Variants in ANGPT1 observed in about 807,000 individuals in gnomAD.
ANGPT1 encodes the protein angiopoietin-1.
Under a neutral mutation model 62.2 loss-of-function variants are expected in ANGPT1, and 17 were observed. That is an observed-to-expected ratio of 0.27 (90% CI 0.19 to 0.41). The LOEUF is 0.41. Ranked by LOEUF, ANGPT1 falls within the 10% of genes least tolerant of loss-of-function variation. The pLI is 1.00. For missense variants in ANGPT1, 478 were observed against 594.9 expected (o/e 0.80, Z 2.04); for synonymous variants, 199 against 198.9 (o/e 1.00, Z 0.00).
At chr8:107,466,074 A>G (rs1812191030) in intron 1 of ANGPT1, among the ~76,000 whole-genome samples, 1 of 152,174 alleles carries the variant, frequency 6.6e-6, no homozygotes, top group East Asian at 1.9e-4. Flanking sequence ...TGTAATGTGG[A>G]TTGTGAGAGG....
At chr8:107,269,821 G>C (rs1429294256) in intron 7 of ANGPT1, among the ~76,000 whole-genome samples, 1 of 147,026 alleles carries the variant, frequency 6.8e-6, no homozygotes, top group East Asian at 2.1e-4. Flanking sequence ...TCCTAATAAA[G>C]AAAAAAAAAT....
intron 1 of ANGPT1, among the ~76,000 whole-genome samples, chr8:107,390,943 A>G (rs1816823004): frequency 6.6e-6 from 1 of 151,960 alleles, no homozygotes; most frequent in Non-Finnish European, 1.5e-5. Flanking sequence ...GAGGGACAGA[A>G]CTCCATTATT....
chr8:107,336,107 A>G, intron 3 of ANGPT1, 43 bp downstream of exon 3: 1 of 1,548,410 alleles, frequency 6.5e-7, no homozygotes, highest in Non-Finnish European at 8.7e-7. Context: ...AAGGATATAA[A>G]TAAGTACACA....
At chr8:107,453,285 A>G (rs1353465063) in intron 1 of ANGPT1, among the ~76,000 whole-genome samples, 1 of 152,052 alleles carries the variant, frequency 6.6e-6, no homozygotes, top group African/African-American at 2.4e-5. Context: ...TTGCAATACC[A>G]TTTTTAAGTT....
At chr8:107,261,957 G>A (rs375987225) in intron 8 of ANGPT1, among the ~76,000 whole-genome samples, 1 of 152,108 alleles carries the variant, frequency 6.6e-6, no homozygotes, top group African/African-American at 2.4e-5. Flanking sequence ...CACTTTGGGA[G>A]GCTGAGGTGG....
chr8:107,307,568 T>A (rs1814748762), intron 4 of ANGPT1, among the ~76,000 whole-genome samples: 1 of 152,116 alleles, frequency 6.6e-6, no homozygotes, highest in African/African-American at 2.4e-5. Flanking sequence ...TCTTTGCCTA[T>A]CTTTCCCCTC....
chr8:107,370,700 C>CAAAAAAAA (rs71308729), intron 1 of ANGPT1, among the ~76,000 whole-genome samples: 59 of 75,574 alleles, frequency 7.8e-4, no homozygotes, highest in East Asian at 2.5e-3. Context: ...AAGACTCTGT[C>CAAAAAAAA]AAAAAAAAAA....
intron 1 of ANGPT1, among the ~76,000 whole-genome samples, chr8:107,491,214 A>G (rs574699014): frequency 5.9e-4 from 90 of 152,272 alleles, no homozygotes; most frequent in African/African-American, 2.1e-3. Flanking sequence ...TACCTCATAG[A>G]GCATAGTGTC....
At chr8:107,410,345 T>A (rs1817240850) in intron 1 of ANGPT1, among the ~76,000 whole-genome samples, 1 of 152,130 alleles carries the variant, frequency 6.6e-6, no homozygotes, top group African/African-American at 2.4e-5. Flanking sequence ...TTCTAAGAAC[T>A]AGAAAGTCCC....
intron 1 of ANGPT1, among the ~76,000 whole-genome samples, chr8:107,467,853 T>C (rs1268245051): frequency 6.6e-6 from 1 of 152,184 alleles, no homozygotes; most frequent in Admixed American, 6.6e-5. Context: ...CAGTACTTTC[T>C]ATGTGCTCAA....
At chr8:107,466,317 A>G (rs1437918628) in intron 1 of ANGPT1, among the ~76,000 whole-genome samples, 1 of 152,092 alleles carries the variant, frequency 6.6e-6, no homozygotes, top group Non-Finnish European at 1.5e-5. Flanking sequence ...ACTAGAGAAT[A>G]TGATTTTTTA....
chr8:107,254,903 T>A (rs1460948158), intron 8 of ANGPT1, among the ~76,000 whole-genome samples: 1 of 152,094 alleles, frequency 6.6e-6, no homozygotes, highest in Non-Finnish European at 1.5e-5. Context: ...ATCTGCTAGG[T>A]TAAATGTTTA....
chr8:107,409,869 A>G (rs757964648), intron 1 of ANGPT1, among the ~76,000 whole-genome samples: 3 of 152,038 alleles, frequency 2.0e-5, no homozygotes, highest in Non-Finnish European at 2.9e-5. Context: ...TAGGAACATA[A>G]TGATTGTGTT....
chr8:107,439,540 A>C (rs1197047813), intron 1 of ANGPT1, among the ~76,000 whole-genome samples: 1 of 152,194 alleles, frequency 6.6e-6, no homozygotes, highest in Non-Finnish European at 1.5e-5. Flanking sequence ...TTTTTAACGA[A>C]TATCTGTAGA....
chr8:107,388,243 T>A (rs563078280), intron 1 of ANGPT1, among the ~76,000 whole-genome samples: 11 of 152,114 alleles, frequency 7.2e-5, no homozygotes, highest in African/African-American at 2.7e-4. Context: ...CAAGACCCTG[T>A]CTCTACAAAA....
intron 7 of ANGPT1, among the ~76,000 whole-genome samples, chr8:107,265,537 T>C (rs913015376): frequency 6.6e-6 from 1 of 152,252 alleles, no homozygotes; most frequent in East Asian, 1.9e-4. Flanking sequence ...AAGCTCAAGG[T>C]GTTCTCTGGC....
chr8:107,384,552 T>C (rs1259491766), intron 1 of ANGPT1, among the ~76,000 whole-genome samples: 3 of 152,112 alleles, frequency 2.0e-5, no homozygotes, highest in Non-Finnish European at 4.4e-5. Flanking sequence ...GTAGGTAACT[T>C]TTTTCATCCT....
Position 107,251,637 on chromosome 8 carries a change from A to T in ANGPT1, c.*218T>A. The T allele has an allele frequency of 2.0e-6, 1 of 508,422 alleles. No homozygotes were observed. Among genetic ancestry groups the T allele is most frequent in the Non-Finnish European group, 3.4e-6 (1 of 290,722 alleles). The allele number at this position is 508,422 out of a possible 1,614,324, so 31.5% of individuals were successfully genotyped here. A position where few individuals can be genotyped will look rare whatever the true frequency, so the allele number is the denominator to read the frequency against. On this transcript the variant is annotated 3_prime_UTR_variant, in exon 9 of 9. Coordinates refer to ENST00000517746, the MANE Select transcript of ANGPT1 (RefSeq NM_001146.5). The stretch of plus-strand genomic sequence containing the variant: ...CCCGACAGTCAGTGGAGTTTTCTAT[A>T]GTCGAGCCACGTGAGCACTGTCACC...
intron 3 of ANGPT1, among the ~76,000 whole-genome samples, chr8:107,326,996 T>C (rs1486940002): frequency 6.6e-6 from 1 of 152,120 alleles, no homozygotes; most frequent in Non-Finnish European, 1.5e-5. Flanking sequence ...CATCATGTTA[T>C]ACCAGGAACC....
Sources: gnomAD v4.1 joint callset for allele counts (sites outside exome capture counted in the v4.1 genomes callset) on GRCh38, gnomAD v4.1.1 for gene constraint, MANE v1.5 for transcripts, NCBI Gene and HGNC (gene_info 2026-07-23, HGNC 2026-07-21) for gene names.